The following PLXNA4 variants were observed in gnomAD, a reference collection of about 807,000 sequenced individuals.
PLXNA4 encodes the protein plexin A4.
Under a neutral mutation model 191.8 loss-of-function variants are expected in PLXNA4, and 44 were observed. The ratio of observed to expected loss-of-function variants is 0.23; its 90% CI spans 0.18 to 0.29. The LOEUF (loss-of-function observed/expected upper bound fraction) is 0.29. PLXNA4 is among the 10% of genes least tolerant of loss of function. PLXNA4 has a pLI of 1.00. For synonymous variants in PLXNA4, 1,082 were observed against 1,009.5 expected, an observed-to-expected ratio of 1.07 and a Z score of -1.36; for missense variants, 1,800 against 2,488.8, an observed-to-expected ratio of 0.72 and a Z score of 5.89.
chr7:132,574,641 G>A (rs1459073655), intron 1 of PLXNA4, among the ~76,000 whole-genome samples: 3 of 152,222 alleles, frequency 2.0e-5, no homozygotes, highest in Non-Finnish European at 4.4e-5. Context: ...CATTGTGAGA[G>A]ATTTGCTTTA....
intron 25 of PLXNA4, among the ~76,000 whole-genome samples, chr7:132,156,588 C>T (rs746443904): frequency 6.6e-6 from 1 of 152,334 alleles, no homozygotes; most frequent in African/African-American, 2.4e-5. Context: ...GAAGAAAGCA[C>T]AGCGGGTGCG....
intron 8 of PLXNA4, among the ~76,000 whole-genome samples, 166 bp from the exon 9 acceptor site, chr7:132,223,807 A>T (rs2290233): frequency 0.41 from 62,733 of 151,888 alleles, 13,424 homozygotes; most frequent in South Asian, 0.6. Context: ...ACTCCCCAAG[A>T]CCTCAGGAAG....
chr7:132,493,804 C>G (rs1485650642), intron 2 of PLXNA4, among the ~76,000 whole-genome samples: 1 of 150,594 alleles, frequency 6.6e-6, no homozygotes, highest in African/African-American at 2.4e-5. Flanking sequence ...GTTCGTTGGA[C>G]AGATAGATAA....
At position 132,322,184 on chromosome 7, in the gene PLXNA4, C is replaced by CTT. The variant is rs5887566; in HGVS notation, c.1372-23964_1372-23963dup. Among the ~76,000 whole-genome samples, 46 of 122,490 alleles carry CTT rather than the reference C, an allele frequency of 3.8e-4. 4 individuals carry two copies. The highest frequency in any genetic ancestry group is 6.0e-4 in the African/African-American group (20 of 33,332). 80.4% of individuals were successfully genotyped at this position (122,490 alleles called of 152,430 possible). On this transcript the variant is annotated intron_variant, in intron 3 of 31. Transcript: ENST00000321063. ...CTAGAGTTCAATTTCCCTAAAAGGG[C>CTT]TTTTTTTTTTTTTTTTTTAACAGAG...
intron 14 of PLXNA4, among the ~76,000 whole-genome samples, chr7:132,187,817 T>G (rs943310037): frequency 6.6e-6 from 1 of 152,176 alleles, no homozygotes. Flanking sequence ...TTAGTAATAG[T>G]AATACTAATA....
chr7:132,262,908 A>G (rs1355063828), intron 4 of PLXNA4, among the ~76,000 whole-genome samples: 3 of 152,182 alleles, frequency 2.0e-5, no homozygotes, highest in African/African-American at 7.2e-5. Flanking sequence ...GCGTAACACC[A>G]CAACCCAAGG....
chr7:132,208,564 CTCT>C (rs1330472295), intron 10 of PLXNA4, among the ~76,000 whole-genome samples: 1 of 152,148 alleles, frequency 6.6e-6, no homozygotes, highest in Non-Finnish European at 1.5e-5. Flanking sequence ...ACATCAGGTT[CTCT>C]TCTTGGTGAA....
chr7:132,552,292 A>G lies in PLXNA4; in HGVS notation c.-87+24130T>C, dbSNP rs571558257. ...TGACTCCTAGACCTTGTTTTAAAAC[A>G]CTAAGAAAGAACACACTTACGAGAG... is the stretch of plus-strand genomic sequence containing the variant. On this transcript the variant is annotated intron_variant, in intron 1 of 31. Transcript: ENST00000321063. 6.6e-5 allele frequency among the ~76,000 whole-genome samples: 10 copies of G among 152,352 alleles called. 1 individual carries two copies. Among genetic ancestry groups the G allele is most frequent in the Admixed American group, 6.5e-4 (10 of 15,310 alleles).
chr7:132,415,733 C>A (rs1423351453), intron 3 of PLXNA4, among the ~76,000 whole-genome samples: 1 of 152,160 alleles, frequency 6.6e-6, no homozygotes, highest in Non-Finnish European at 1.5e-5. Flanking sequence ...ATACAGCAAA[C>A]CCACAAGGTA....
rs1794723349 is a variant in PLXNA4 at position 132,124,766 on chromosome 7, T to C, written c.*5713A>G. ...CAAAGCGGGTGGGAATGGAATAAAG[T>C]GAGGCTCCCGCAACCCAGGATTTTC... On this transcript the variant is annotated 3_prime_UTR_variant, in exon 32 of 32. Coordinates refer to ENST00000321063, the MANE Select transcript of PLXNA4 (RefSeq NM_020911.2). 1 of 152,190 alleles carries C rather than the reference T, an allele frequency of 6.6e-6. No homozygotes were observed. The highest frequency in any genetic ancestry group is 6.5e-5 in the Admixed American group (1 of 15,276). 9.4% of individuals were successfully genotyped at this position (152,190 alleles called of 1,614,324 possible). A position where few individuals can be genotyped will look rare whatever the true frequency, so the allele number is the denominator to read the frequency against.
rs548518190 is a variant in PLXNA4 at position 132,227,262 on chromosome 7, C to T, written c.1882+189G>A. Among the ~76,000 whole-genome samples, 3 of 152,334 alleles carry T rather than the reference C, an allele frequency of 2.0e-5. No homozygotes were observed. In the East Asian group the frequency reaches 5.8e-4, roughly 29 times the overall value. On this transcript the variant is annotated intron_variant, in intron 7 of 31. Transcript: ENST00000321063. ...TGGGGCTGAGACAGAAGGGCTGTAA[C>T]AGTCAATGCCAAGGGCAATGGAGGG...
chr7:132,629,857 C>T (rs1341588208), intron 2 of PLXNA4, among the ~76,000 whole-genome samples: 4 of 149,036 alleles, frequency 2.7e-5, no homozygotes, highest in African/African-American at 4.9e-5. Context: ...TGTCTCTTCT[C>T]TTTTTTTTTT....
chr7:132,161,932 T>C (rs1795964270), intron 24 of PLXNA4, among the ~76,000 whole-genome samples: 1 of 152,170 alleles, frequency 6.6e-6, no homozygotes, highest in Non-Finnish European at 1.5e-5. Flanking sequence ...GTGCTCCCAC[T>C]GGCATGGTCC....
At chr7:132,635,313 G>A (rs1803579602) in intron 2 of PLXNA4, among the ~76,000 whole-genome samples, 1 of 151,704 alleles carries the variant, frequency 6.6e-6, no homozygotes, top group African/African-American at 2.4e-5. Context: ...AGCGTACTTA[G>A]TTTTGCACTC....
chr7:132,238,815 G>GA (rs1040407623), intron 5 of PLXNA4, among the ~76,000 whole-genome samples: 3 of 139,198 alleles, frequency 2.2e-5, no homozygotes, highest in African/African-American at 8.5e-5. Flanking sequence ...AGTCACAAGA[G>GA]GGGGGGGGGC....
chr7:132,173,448 C>T (rs1796354552), intron 21 of PLXNA4, among the ~76,000 whole-genome samples: 1 of 152,286 alleles, frequency 6.6e-6, no homozygotes, highest in Admixed American at 6.5e-5. Flanking sequence ...GACATAGAGA[C>T]CGTCACCTCC....
In PLXNA4 at chr7:132,257,145, A is replaced by T. The variant is rs192171028; in HGVS notation, c.1504-15979T>A. ...CAACGGCTGCTCTATGACATGGCGC[A>T]GCCTCCTTTCTCCACTCCAGTCCCC... On this transcript the variant is annotated intron_variant, in intron 4 of 31. Coordinates refer to ENST00000321063, the MANE Select transcript of PLXNA4 (RefSeq NM_020911.2). Among the ~76,000 whole-genome samples the T allele has an allele frequency of 2.6e-4, 39 of 152,332 alleles. No homozygotes were observed. In the East Asian group the frequency reaches 7.1e-3, roughly 28 times the overall value.
chr7:132,583,593 G>A (rs1802448827), intron 2 of PLXNA4, among the ~76,000 whole-genome samples: 1 of 152,240 alleles, frequency 6.6e-6, no homozygotes, highest in Non-Finnish European at 1.5e-5. Flanking sequence ...GAGTGCCTAT[G>A]CAAAGCAGAG....
intron 3 of PLXNA4, among the ~76,000 whole-genome samples, chr7:132,380,660 G>A (rs1319845782): frequency 6.6e-6 from 1 of 152,160 alleles, no homozygotes; most frequent in East Asian, 1.9e-4. Context: ...AAAGTATCAG[G>A]AGCAGGGCCT....
Sources: allele counts gnomAD v4.1 joint callset (sites outside exome capture counted in the v4.1 genomes callset), GRCh38; gene constraint gnomAD v4.1.1; transcripts MANE v1.5; gene names NCBI Gene and HGNC (gene_info 2026-07-23, HGNC 2026-07-21).